DNAI2: variants seen among roughly 807,000 people sequenced by gnomAD.
DNAI2 encodes the protein dynein, axonemal, intermediate polypeptide 2.
DNAI2 carries 63 observed loss-of-function variants against 74.7 expected under a neutral mutation model. The observed-to-expected ratio is 0.84, with a 90% CI of 0.69 to 1.04. DNAI2 has a LOEUF of 1.04. Ranked by LOEUF, DNAI2 falls within the 50% of genes least tolerant of loss-of-function variation. DNAI2 has a pLI of 0.00. For synonymous variants in DNAI2, 289 were observed against 314.9 expected (o/e 0.92, Z 0.87); for missense variants, 688 against 803.2 (o/e 0.86, Z 1.73).
At chr17:74,314,345 C>G in intron 13 of DNAI2, 74 bp downstream of exon 13, 3 of 1,557,546 alleles carry the variant, frequency 1.9e-6, no homozygotes, top group Non-Finnish European at 8.8e-7. Flanking sequence ...CTGGGAGCAT[C>G]GGGCCCTGAC....
chr17:74,285,244 A>G (rs1393055467), intron 3 of DNAI2, 43 bp downstream of exon 3: 2 of 1,604,706 alleles, frequency 1.2e-6, no homozygotes, highest in Non-Finnish European at 1.7e-6. Flanking sequence ...CCCATCCATC[A>G]CTGCAGCTCC....
At chr17:74,297,495 A>G (rs1197721774) in intron 6 of DNAI2, among the ~76,000 whole-genome samples, 1 of 150,102 alleles carries the variant, frequency 6.7e-6, no homozygotes, top group African/African-American at 2.5e-5. Flanking sequence ...GGTTCAAGCG[A>G]TCCTCCTGCC....
At chr17:74,303,757 T>C (rs1235756088) in intron 8 of DNAI2, among the ~76,000 whole-genome samples, 1 of 152,080 alleles carries the variant, frequency 6.6e-6, no homozygotes, top group Non-Finnish European at 1.5e-5. Context: ...AGATTTTATA[T>C]TTATCATTTT....
At chr17:74,293,781 G>GCTTTGT (rs2143975399) in intron 6 of DNAI2, among the ~76,000 whole-genome samples, 1 of 150,684 alleles carries the variant, frequency 6.6e-6, no homozygotes, top group South Asian at 2.1e-4. Flanking sequence ...GTGAATCATA[G>GCTTTGT]TTTTGTTTTG....
At position 74,282,313 on chromosome 17, in the gene DNAI2, A is replaced by ATT. The variant is rs35785992; in HGVS notation, c.183+322_183+323dup. ...TGGATGTTTGGTGTAGCTGGGAGAC[A>ATT]TTTTTTTTTTAAACAGGGTCTCACT... On this transcript the variant is annotated intron_variant, in intron 2 of 13. Transcript: ENST00000311014. 3.6e-4 allele frequency among the ~76,000 whole-genome samples: 54 copies of ATT among 150,388 alleles called. 1 individual carries two copies. The highest frequency in any genetic ancestry group is 3.2e-3 in the Middle Eastern group (1 of 310).
In DNAI2 at chr17:74,301,897, AG is replaced by A. The variant is rs2052809554; in HGVS notation, c.987+731del. Among the ~76,000 whole-genome samples the A allele has an allele frequency of 1.7e-4, 7 of 41,312 alleles. 1 individual carries two copies. Among genetic ancestry groups the A allele is most frequent in the Non-Finnish European group, 3.8e-4 (7 of 18,508 alleles). 27.1% of individuals were successfully genotyped at this position (41,312 alleles called of 152,430 possible). On this transcript the variant is annotated intron_variant, in intron 8 of 13. Transcript: ENST00000311014. ...AAGGAAGGAAGGAAGGAAGGAAGGA[AG>A]GAAGGAAGGAAAGAAGGAAGGAAGG...
At chr17:74,286,844 A>T (rs1025570341) in intron 3 of DNAI2, 133 bp from the exon 4 acceptor site, 1 of 1,189,516 alleles carries the variant, frequency 8.4e-7, no homozygotes. Flanking sequence ...AAATTCCTCC[A>T]TTGAAAGCAC....
Position 74,312,181 on chromosome 17 carries a change from C to T in DNAI2, c.1673C>T (p.Ala558Val), listed in dbSNP as rs1313533925. The change falls in exon 12 of 14, where the codon GCA becomes GTA. Residue 558 changes from alanine to valine, a missense_variant. Ala to Val is a moderately conservative substitution (Grantham distance 64, BLOSUM62 0). Transcript: ENST00000311014. ...GAGGAGTTCTTCGACATCATCTTCG[C>T]AGAGCTGAAGAAGAAGGAGGCAGAC... ...AEEEFFDIIF[A>V]ELKKKEADAI... 3.1e-6 allele frequency: 5 copies of T among 1,610,644 alleles called. No homozygotes were observed. The South Asian group carries it at 5.5e-5, about 18-fold the overall frequency.
intron 2 of DNAI2, among the ~76,000 whole-genome samples, chr17:74,283,956 G>T (rs560860099): frequency 6.6e-6 from 1 of 152,192 alleles, no homozygotes; most frequent in South Asian, 2.1e-4. Flanking sequence ...TGGCCAACAT[G>T]GTGAAACCCC....
intron 6 of DNAI2, among the ~76,000 whole-genome samples, chr17:74,296,316 A>AGAGAGAGAGAGAGAGAGAGAG (rs1357716786): frequency 3.1e-5 from 3 of 97,664 alleles, no homozygotes; most frequent in Non-Finnish European, 7.6e-5. Context: ...CTTTAAAGAG[A>AGAGAGAGAGAGAGAGAGAGAG]GAGAGAGAGA....
rs1378637106 is a variant in DNAI2, at chr17:74,285,095, G to C, written c.239G>C (p.Gly80Ala). 1.9e-6 allele frequency: 3 copies of C among 1,614,110 alleles called. No homozygotes were observed. The highest frequency in any genetic ancestry group is 2.5e-6 in the Non-Finnish European group (3 of 1,180,052). The change falls in exon 3 of 14, where the codon GGC (glycine) becomes GCC (alanine). Residue 80 changes from glycine (G) to alanine (A), a missense_variant. Gly to Ala is a moderately conservative substitution (Grantham distance 60, BLOSUM62 0). Transcript: ENST00000311014. Reference sequence around the variant, plus strand: ...CGGGGAGTTAACCATGTCGAGGGGGGCTGGCCCAAGGACGTGAACCCCCTG... The same window carrying C: ...CGGGGAGTTAACCATGTCGAGGGGGCCTGGCCCAAGGACGTGAACCCCCTG... ...ETRGVNHVEG[G>A]WPKDVNPLEL...
chr17:74,277,488 T>A (rs1162854026), intron 1 of DNAI2, among the ~76,000 whole-genome samples: 2 of 151,236 alleles, frequency 1.3e-5, no homozygotes, highest in African/African-American at 2.4e-5. Flanking sequence ...TGGGATGGGG[T>A]GGTACTGTCT....
At chr17:74,283,449 T>C (rs1161913824) in intron 2 of DNAI2, among the ~76,000 whole-genome samples, 2 of 150,950 alleles carry the variant, frequency 1.3e-5, no homozygotes, top group Non-Finnish European at 3.0e-5. Context: ...TCTACACTTT[T>C]TTTTTTTAAT....
At chr17:74,309,101 A>T in intron 9 of DNAI2, 152 bp from the exon 10 acceptor site, 3 of 652,508 alleles carry the variant, frequency 4.6e-6, no homozygotes, top group Non-Finnish European at 8.0e-6. Context: ...GCTGTGGATG[A>T]GTGAGGTCAG....
intron 2 of DNAI2, 73 bp from the exon 3 acceptor site, chr17:74,284,967 T>C: frequency 6.2e-7 from 1 of 1,604,640 alleles, no homozygotes; most frequent in East Asian, 2.2e-5. Flanking sequence ...CCGTGGGACC[T>C]GGCTTGCAGA....
intron 8 of DNAI2, among the ~76,000 whole-genome samples, chr17:74,302,567 C>CA (rs369371635): frequency 0.026 from 3,824 of 144,884 alleles, 142 homozygotes; most frequent in African/African-American, 0.087. Context: ...AACTCCATCT[C>CA]AAAAAAAAAA....
At chr17:74,293,093 A>G (rs895354962) in intron 6 of DNAI2, among the ~76,000 whole-genome samples, 2 of 152,134 alleles carry the variant, frequency 1.3e-5, no homozygotes, top group African/African-American at 4.8e-5. Flanking sequence ...TCGGCCTCCC[A>G]AAGTGCTGGG....
intron 5 of DNAI2, among the ~76,000 whole-genome samples, chr17:74,290,769 A>G (rs2052040523): frequency 6.6e-6 from 1 of 152,198 alleles, no homozygotes; most frequent in Non-Finnish European, 1.5e-5. Flanking sequence ...AAATATAATT[A>G]TCACACACAT....
intron 6 of DNAI2, among the ~76,000 whole-genome samples, chr17:74,295,282 A>G (rs2052365763): frequency 6.7e-6 from 1 of 149,756 alleles, no homozygotes; most frequent in South Asian, 2.1e-4. Flanking sequence ...TGCACCTGCA[A>G]TCTCAGCTAC....
Sources: allele counts gnomAD v4.1 joint callset (sites outside exome capture counted in the v4.1 genomes callset), GRCh38; gene constraint gnomAD v4.1.1; transcripts MANE v1.5; gene names NCBI Gene and HGNC (gene_info 2026-07-23, HGNC 2026-07-21).